Variants in F5 observed in about 807,000 individuals in gnomAD.
F5 encodes the protein activated protein c cofactor.
A neutral mutation model predicts 216.4 loss-of-function variants in F5; 138 were observed. The observed-to-expected ratio is 0.64, with a 90% CI of 0.56 to 0.73. The LOEUF (loss-of-function observed/expected upper bound fraction) is 0.73, where lower values mean the gene tolerates loss of function less well. F5 is among the 30% of genes least tolerant of loss of function. The pLI, the probability that F5 is intolerant of heterozygous loss-of-function variation, is 0.00. For missense variants in F5, 2,403 were observed against 2,674.0 expected (o/e 0.90, Z 2.24); for synonymous variants, 916 against 930.7 (o/e 0.98, Z 0.29).
At chr1:169,540,266 GAAT>G in intron 13 of F5, 25 bp downstream of exon 13, 1 of 1,611,672 alleles carries the variant, frequency 6.2e-7, no homozygotes, top group Non-Finnish European at 8.5e-7. Context: ...GGAAAAATGA[GAAT>G]AAAAAAGGAG....
At chr1:169,585,101 G>C (rs1160122536) in intron 1 of F5, among the ~76,000 whole-genome samples, 1 of 152,128 alleles carries the variant, frequency 6.6e-6, no homozygotes, top group African/African-American at 2.4e-5. Flanking sequence ...ATTTTCCTTG[G>C]GGTTTTAGCT....
chr1:169,582,802 A>G (rs1661018634), intron 1 of F5, among the ~76,000 whole-genome samples: 1 of 152,242 alleles, frequency 6.6e-6, no homozygotes, highest in African/African-American at 2.4e-5. Flanking sequence ...AGAACCCAAT[A>G]TCACAGTAGA....
intron 7 of F5, 32 bp from the exon 8 acceptor site, chr1:169,552,766 TTTCTCAAATAGAGA>T (rs1383020896): frequency 1.2e-5 from 18 of 1,517,774 alleles, no homozygotes; most frequent in Non-Finnish European, 1.5e-5. Flanking sequence ...ATTAAACCAC[TTTCTCAAATAGAGA>T]TCTCGGTAGG....
intron 2 of F5, among the ~76,000 whole-genome samples, chr1:169,578,872 G>T (rs1357118994): frequency 6.6e-6 from 1 of 152,098 alleles, no homozygotes; most frequent in Non-Finnish European, 1.5e-5. Context: ...GAATCCCAAT[G>T]CTTCCTGCTT....
At chr1:169,576,214 G>A (rs73037438) in intron 2 of F5, among the ~76,000 whole-genome samples, 4,584 of 152,246 alleles carry the variant, frequency 0.03, 226 homozygotes, top group African/African-American at 0.1. Context: ...AATTTGTGTT[G>A]TTTTAGCCAC....
rs1338683850 is a variant in F5, at chr1:169,542,270, A to C, written c.2820T>G (p.Ser940=). ...AATGCCATCTCCCAACCAAAATCTTAGATGAGTTACTTTGTTTTAAGAGTA... is the reference window on the plus strand; with the variant it reads ...AATGCCATCTCCCAACCAAAATCTTCGATGAGTTACTTTGTTTTAAGAGTA... The part of the protein sequence containing the change: ...DLLLLKQSNS[S]KILVGRWHLA... The change falls in exon 13 of 25, where the codon TCT becomes TCG. Residue 940 remains serine, a synonymous_variant. Coordinates refer to ENST00000367797, the MANE Select transcript of F5 (RefSeq NM_000130.5). The C allele has an allele frequency of 6.2e-7, 1 of 1,614,090 alleles. No individual in the cohort carries two copies. Among genetic ancestry groups the C allele is most frequent in the African/African-American group, 1.3e-5 (1 of 75,028 alleles).
chr1:169,560,470 G>T, intron 4 of F5, 84 bp downstream of exon 4: 1 of 1,351,344 alleles, frequency 7.4e-7, no homozygotes, highest in Non-Finnish European at 1.1e-6. Context: ...AAGTTACCAA[G>T]ATGCTCCCAA....
chr1:169,535,197 A>T (rs1032152457), intron 14 of F5, among the ~76,000 whole-genome samples: 2 of 152,210 alleles, frequency 1.3e-5, no homozygotes, highest in African/African-American at 2.4e-5. Context: ...AAATTATTTT[A>T]AAAATACACA....
chr1:169,549,190 A>G (rs959550464), intron 10 of F5, among the ~76,000 whole-genome samples: 1 of 152,210 alleles, frequency 6.6e-6, no homozygotes, highest in Non-Finnish European at 1.5e-5. Flanking sequence ...TGGGAATTTT[A>G]GTTTAATAAT....
chr1:169,535,943 G>A (rs1051727183), intron 14 of F5, among the ~76,000 whole-genome samples: 17 of 152,082 alleles, frequency 1.1e-4, no homozygotes, highest in East Asian at 1.9e-4. Context: ...CAAAAATGGC[G>A]GAAGTAAACT....
intron 5 of F5, 125 bp downstream of exon 5, chr1:169,559,028 T>C: frequency 1.0e-6 from 1 of 976,758 alleles, no homozygotes; most frequent in Non-Finnish European, 1.6e-6. Flanking sequence ...AGAAAATATT[T>C]CCTTCTTGAT....
chr1:169,544,702 A>G (rs9332694), intron 11 of F5, among the ~76,000 whole-genome samples, 194 bp from the exon 12 acceptor site: 1,763 of 152,346 alleles, frequency 0.012, 19 homozygotes, highest in Non-Finnish European at 0.017. Flanking sequence ...TTATTCTCCT[A>G]AATTAGCCAA....
chr1:169,542,412 T>C lies in F5; in HGVS notation c.2678A>G (p.His893Arg). 1 of 1,614,106 alleles carries C rather than the reference T, an allele frequency of 6.2e-7. No individual in the cohort carries two copies. The highest frequency in any genetic ancestry group is 8.5e-7 in the Non-Finnish European group (1 of 1,179,984). Residue 893 changes from histidine (H) to arginine (R), a missense_variant, in exon 13 of 25, where the codon CAC becomes CGC. This residue lies in a region of F5 where 1,425 missense variants were observed against 1,554.8 expected (regional missense o/e 0.92). Transcript: ENST00000367797. ...AGGAGAACCAGTGTCTTGGCTTAGG[T>C]GTCTCCCAACTTTATGTGCTAGTAA... ...MKLLAHKVGR[H>R]LSQDTGSPSG...
chr1:169,581,862 T>G (rs1660993877), intron 2 of F5, among the ~76,000 whole-genome samples: 1 of 152,184 alleles, frequency 6.6e-6, no homozygotes, highest in African/African-American at 2.4e-5. Flanking sequence ...GGGAAAGAGA[T>G]GCAAAAGAGT....
intron 22 of F5, 141 bp from the exon 23 acceptor site, chr1:169,518,704 C>A: frequency 1.0e-6 from 1 of 966,202 alleles, no homozygotes; most frequent in Non-Finnish European, 1.6e-6. Flanking sequence ...TTATTGAATC[C>A]AAGTGCCAAA....
intron 6 of F5, among the ~76,000 whole-genome samples, chr1:169,555,948 T>C (rs574473348): frequency 6.6e-6 from 1 of 152,338 alleles, no homozygotes; most frequent in African/African-American, 2.4e-5. Flanking sequence ...TACATTATTT[T>C]GGTAACAAAA....
chr1:169,572,141 C>A, intron 3 of F5, 80 bp downstream of exon 3: 1 of 1,419,786 alleles, frequency 7.0e-7, no homozygotes, highest in Non-Finnish European at 9.8e-7. Context: ...ACGTGGTTAA[C>A]AGTATAGTTT....
intron 13 of F5, among the ~76,000 whole-genome samples, chr1:169,537,061 T>C (rs1659720762): frequency 6.6e-6 from 1 of 152,146 alleles, no homozygotes; most frequent in African/African-American, 2.4e-5. Flanking sequence ...TATCTGTCTC[T>C]CACTGGGTAT....
chr1:169,586,256 C>A lies in F5; in HGVS notation c.131G>T (p.Ser44Ile), dbSNP rs1438469781. ...TGAGTTTGTGGGCTCAGGTCGGTAG[C>A]TCCAACTGATGCCCTGAGCAGCCAC... ...FYVAAQGISW[S>I]YRPEPTNSSL... The change falls in exon 1 of 25, where the codon AGC becomes ATC. Residue 44 changes from serine (S) to isoleucine (I), a missense_variant. Transcript: ENST00000367797. The A allele has an allele frequency of 3.1e-6, 5 of 1,614,218 alleles. No homozygotes were observed. Among genetic ancestry groups the A allele is most frequent in the Non-Finnish European group, 3.4e-6 (4 of 1,180,046 alleles).
Sources: gnomAD v4.1 joint callset for allele counts (sites outside exome capture counted in the v4.1 genomes callset) on GRCh38, gnomAD v4.1.1 for gene constraint, gnomAD v4.1.1 regional missense constraint, MANE v1.5 for transcripts, NCBI Gene and HGNC (gene_info 2026-07-23, HGNC 2026-07-21) for gene names.